The following MAGI1 variants were observed in gnomAD, a reference collection of about 807,000 sequenced individuals.
The protein encoded by MAGI1 is membrane-associated guanylate kinase, WW and PDZ domain-containing protein 1.
In MAGI1, 58 loss-of-function variants were observed where a neutral mutation model predicts 139.9. That is an observed-to-expected ratio of 0.41 (90% CI 0.34 to 0.52). The LOEUF is 0.52. Among genes scored for constraint, MAGI1 ranks in the 20% least tolerant of loss-of-function variants. The probability of loss-of-function intolerance (pLI) is 0.12; values close to 1 mark genes in which losing one functional copy is unlikely to be tolerated. For synonymous variants in MAGI1, 812 were observed against 737.9 expected (o/e 1.10, Z -1.63); for missense variants, 1,874 against 1,901.6 (o/e 0.99, Z 0.27).
intron 2 of MAGI1, among the ~76,000 whole-genome samples, chr3:65,526,931 G>A (rs2078412210): frequency 6.6e-6 from 1 of 152,098 alleles, no homozygotes; most frequent in Admixed American, 6.5e-5. Flanking sequence ...AGGCAGGAGT[G>A]AGAAAGGAAA....
rs570655305 is a variant in MAGI1 at position 66,023,247 on chromosome 3, G to A, written c.313+14749C>T. Among the ~76,000 whole-genome samples, 81 of 152,234 alleles carry A rather than the reference G, an allele frequency of 5.3e-4. 1 individual carries two copies. Among genetic ancestry groups the A allele is most frequent in the African/African-American group, 1.8e-3 (75 of 41,538 alleles). On this transcript the variant is annotated intron_variant, in intron 1 of 22. Transcript: ENST00000402939. The stretch of plus-strand genomic sequence containing the variant: ...TCCATTCTGATATGGAAATGGAGGG[G>A]GAAAGGGGACTAGAGAAGGAGAGAA...
At chr3:65,818,526 A>G (rs921118109) in intron 1 of MAGI1, among the ~76,000 whole-genome samples, 1 of 152,200 alleles carries the variant, frequency 6.6e-6, no homozygotes, top group Non-Finnish European at 1.5e-5. Flanking sequence ...CACGTTAGCC[A>G]CAGAAGATGC....
At chr3:65,965,695 T>A (rs1475691287) in intron 1 of MAGI1, among the ~76,000 whole-genome samples, 1 of 152,150 alleles carries the variant, frequency 6.6e-6, no homozygotes, top group African/African-American at 2.4e-5. Context: ...TTGTTTGTTT[T>A]TGAGACGGAG....
chr3:65,897,324 A>G (rs886528356), intron 1 of MAGI1, among the ~76,000 whole-genome samples: 1 of 152,106 alleles, frequency 6.6e-6, no homozygotes, highest in South Asian at 2.1e-4. Flanking sequence ...GCTTAAGCCC[A>G]GGAGTTCCAG....
Position 65,934,766 on chromosome 3 carries a change from TTG to T in MAGI1, c.313+103228_313+103229del, listed in dbSNP as rs1216354614. On this transcript the variant is annotated intron_variant, in intron 1 of 22. Coordinates refer to ENST00000402939, the MANE Select transcript of MAGI1 (RefSeq NM_001033057.2). ...ATTGTGGGCTGAGAAGAAAAAGTTG[TTG>T]TTTTTTTTTTTTTTTAAGGGGAGGT... 8.2e-5 allele frequency among the ~76,000 whole-genome samples: 12 copies of T among 146,214 alleles called. 2 individuals are homozygous for T. The highest frequency in any genetic ancestry group is 7.6e-5 in the Non-Finnish European group (5 of 65,882).
At chr3:66,008,025 T>C (rs1053517990) in intron 1 of MAGI1, among the ~76,000 whole-genome samples, 2 of 151,846 alleles carry the variant, frequency 1.3e-5, no homozygotes, top group Non-Finnish European at 2.9e-5. Context: ...GCCTCCCAAG[T>C]AGCTGGGACT....
At chr3:65,829,058 C>A (rs1287093769) in intron 1 of MAGI1, among the ~76,000 whole-genome samples, 1 of 152,214 alleles carries the variant, frequency 6.6e-6, no homozygotes, top group African/African-American at 2.4e-5. Flanking sequence ...TACCCCAGAA[C>A]TTTTAAAAAG....
intron 1 of MAGI1, among the ~76,000 whole-genome samples, chr3:65,729,852 G>A (rs2034005911): frequency 6.6e-6 from 1 of 152,164 alleles, no homozygotes; most frequent in African/African-American, 2.4e-5. Context: ...GCAACAAAAG[G>A]CAGAACATTA....
intron 4 of MAGI1, among the ~76,000 whole-genome samples, chr3:65,473,094 G>A (rs567493686): frequency 1.1e-4 from 17 of 152,196 alleles, no homozygotes; most frequent in East Asian, 3.9e-4. Flanking sequence ...TGGATAAGGC[G>A]CTTAGAATAG....
intron 1 of MAGI1, among the ~76,000 whole-genome samples, chr3:66,025,917 T>C (rs1169631631): frequency 6.6e-6 from 1 of 152,208 alleles, no homozygotes; most frequent in African/African-American, 2.4e-5. Flanking sequence ...TAGTGATTGA[T>C]AGTCATATAA....
At chr3:65,665,224 G>A (rs2086437024) in intron 1 of MAGI1, among the ~76,000 whole-genome samples, 1 of 152,180 alleles carries the variant, frequency 6.6e-6, no homozygotes, top group African/African-American at 2.4e-5. Context: ...ATTCAGGCAT[G>A]AGTTACAGGG....
intron 1 of MAGI1, among the ~76,000 whole-genome samples, chr3:65,653,661 C>A (rs926931387): frequency 1.3e-5 from 2 of 152,140 alleles, no homozygotes; most frequent in African/African-American, 4.8e-5. Context: ...AGCCAAGAAT[C>A]AACCCCTCTA....
chr3:65,657,166 C>T (rs1190421332), intron 1 of MAGI1, among the ~76,000 whole-genome samples: 2 of 151,826 alleles, frequency 1.3e-5, no homozygotes, highest in African/African-American at 4.8e-5. Context: ...TATTCTTATC[C>T]CCAACTTAAA....
At chr3:65,861,795 C>T (rs1178036895) in intron 1 of MAGI1, among the ~76,000 whole-genome samples, 2 of 152,114 alleles carry the variant, frequency 1.3e-5, no homozygotes, top group African/African-American at 2.4e-5. Context: ...TTCATTGTCC[C>T]GTCTAAAATG....
chr3:65,388,811 G>C (rs1943657223), intron 14 of MAGI1, among the ~76,000 whole-genome samples: 1 of 146,248 alleles, frequency 6.8e-6, no homozygotes, highest in South Asian at 2.2e-4. Context: ...GAAAGTGAAG[G>C]AACAAAACTG....
intron 1 of MAGI1, among the ~76,000 whole-genome samples, chr3:65,683,657 G>T (rs370836246): frequency 2.3e-5 from 2 of 86,384 alleles, no homozygotes; most frequent in Non-Finnish European, 2.6e-5. Context: ...GACTGAATAG[G>T]ATATATATAT....
At chr3:65,593,430 C>T (rs985345491) in intron 2 of MAGI1, among the ~76,000 whole-genome samples, 14 of 152,122 alleles carry the variant, frequency 9.2e-5, no homozygotes, top group African/African-American at 2.9e-4. Context: ...TTTAATCAGG[C>T]GAGCAGTATG....
chr3:66,020,210 C>T (rs1394119553), intron 1 of MAGI1, among the ~76,000 whole-genome samples: 2 of 152,192 alleles, frequency 1.3e-5, no homozygotes, highest in African/African-American at 2.4e-5. Flanking sequence ...GAGGCTGAGG[C>T]AGACGGATCA....
At chr3:65,545,857 T>C (rs1293507084) in intron 2 of MAGI1, among the ~76,000 whole-genome samples, 1 of 152,002 alleles carries the variant, frequency 6.6e-6, no homozygotes, top group Admixed American at 6.6e-5. Flanking sequence ...CTGTATGTAG[T>C]AAACGGGTCA....
Sources: allele counts gnomAD v4.1 joint callset (sites outside exome capture counted in the v4.1 genomes callset), GRCh38; gene constraint gnomAD v4.1.1; transcripts MANE v1.5; gene names NCBI Gene and HGNC (gene_info 2026-07-23, HGNC 2026-07-21).